Variants in AKT3 observed in about 807,000 individuals in gnomAD.
AKT3 encodes the protein RAC-gamma serine/threonine-protein kinase.
In AKT3, 15 loss-of-function variants were observed where a neutral mutation model predicts 65.3. The observed-to-expected ratio is 0.23, with a 90% CI of 0.15 to 0.35. The LOEUF (loss-of-function observed/expected upper bound fraction) is 0.35. Ranked by LOEUF, AKT3 falls within the 10% of genes least tolerant of loss-of-function variation. AKT3 has a pLI of 1.00. For synonymous variants in AKT3, 206 were observed against 183.8 expected (o/e 1.12, Z -0.98); for missense variants, 243 against 576.5 (o/e 0.42, Z 5.92).
chr1:243,812,527 GTGC>G (rs1386259255), intron 2 of AKT3, among the ~76,000 whole-genome samples: 6 of 152,282 alleles, frequency 3.9e-5, no homozygotes, highest in Non-Finnish European at 8.8e-5. Flanking sequence ...GAAACAACAG[GTGC>G]TGGAGAGGAA....
chr1:243,504,992 A>G lies in AKT3; in HGVS notation c.*257T>C, dbSNP rs931649369. The G allele has an allele frequency of 2.3e-6, 1 of 438,660 alleles. No individual in the cohort carries two copies. The highest frequency in any genetic ancestry group is 4.0e-6 in the Non-Finnish European group (1 of 248,424). 27.2% of individuals were successfully genotyped at this position (438,660 alleles called of 1,614,324 possible). A position where few individuals can be genotyped will look rare whatever the true frequency, so the allele number is the denominator to read the frequency against. ...TGGAAAATTACTTCTTAAAGTTGCT[A>G]TAATAGTAAGACAGTAGCAGCAACA... On this transcript the variant is annotated 3_prime_UTR_variant, in exon 14 of 14. Coordinates refer to ENST00000673466, the MANE Select transcript of AKT3 (RefSeq NM_005465.7).
At chr1:243,698,634 A>G (rs1276168002) in intron 2 of AKT3, among the ~76,000 whole-genome samples, 1 of 152,154 alleles carries the variant, frequency 6.6e-6, no homozygotes, top group Non-Finnish European at 1.5e-5. Flanking sequence ...GTAATACAGT[A>G]TACCAAGATA....
intron 8 of AKT3, among the ~76,000 whole-genome samples, chr1:243,586,954 T>C (rs1017755530): frequency 4.6e-5 from 7 of 151,742 alleles, no homozygotes; most frequent in South Asian, 2.1e-4. Flanking sequence ...GTAGCAAAGA[T>C]AGAAATAAAA....
chr1:243,701,241 G>T (rs974093900), intron 2 of AKT3, among the ~76,000 whole-genome samples: 7 of 152,170 alleles, frequency 4.6e-5, no homozygotes, highest in Non-Finnish European at 8.8e-5. Context: ...GATTTGTTCA[G>T]ACATGCAAAT....
intron 2 of AKT3, among the ~76,000 whole-genome samples, chr1:243,815,015 T>C (rs1290400844): frequency 6.6e-6 from 1 of 152,170 alleles, no homozygotes; most frequent in Non-Finnish European, 1.5e-5. Flanking sequence ...TCTAAGGTCT[T>C]AAAGGACATT....
chr1:243,598,880 C>T (rs909117833), intron 8 of AKT3, among the ~76,000 whole-genome samples: 8 of 152,064 alleles, frequency 5.3e-5, no homozygotes, highest in Admixed American at 2.0e-4. Flanking sequence ...TTCATCCTAG[C>T]GAACGCAGTA....
intron 8 of AKT3, among the ~76,000 whole-genome samples, chr1:243,590,302 G>A (rs192401969): frequency 6.6e-6 from 1 of 152,084 alleles, no homozygotes; most frequent in Admixed American, 6.5e-5. Context: ...ATTCAATTGT[G>A]GCAATCCTTT....
intron 2 of AKT3, among the ~76,000 whole-genome samples, chr1:243,733,665 A>G (rs1415069371): frequency 6.6e-6 from 1 of 152,246 alleles, no homozygotes; most frequent in African/African-American, 2.4e-5. Context: ...ATATGGCAAT[A>G]AAACAAGTTA....
intron 2 of AKT3, among the ~76,000 whole-genome samples, chr1:243,752,897 C>A (rs915236801): frequency 6.6e-6 from 1 of 152,142 alleles, no homozygotes; most frequent in African/African-American, 2.4e-5. Context: ...GTTTTCATCC[C>A]TTTTCCCAGG....
intron 6 of AKT3, 37 bp from the exon 7 acceptor site, chr1:243,615,198 T>C: frequency 7.0e-7 from 1 of 1,427,344 alleles, no homozygotes; most frequent in Non-Finnish European, 9.8e-7. Flanking sequence ...AATATATGTT[T>C]TGAGCACTGA....
At chr1:243,630,157 C>T (rs978548480) in intron 6 of AKT3, among the ~76,000 whole-genome samples, 2 of 152,212 alleles carry the variant, frequency 1.3e-5, no homozygotes, top group Non-Finnish European at 2.9e-5. Context: ...TGCACCCCCA[C>T]CAAGTTACAT....
intron 8 of AKT3, among the ~76,000 whole-genome samples, chr1:243,582,179 A>G (rs1675411109): frequency 6.6e-6 from 1 of 152,146 alleles, no homozygotes; most frequent in Admixed American, 6.5e-5. Context: ...ATTTGAGGAA[A>G]TAACTCAAGA....
In AKT3 at chr1:243,598,449, C is replaced by T. The variant is rs182665023; in HGVS notation, c.696+15222G>A. ...TATAGGAATACAGTAATGTAAAATG[C>T]ATTAACTCAAACTACTAAATATACA... is the stretch of plus-strand genomic sequence containing the variant. On this transcript the variant is annotated intron_variant, in intron 8 of 13. Coordinates refer to ENST00000673466, the MANE Select transcript of AKT3 (RefSeq NM_005465.7). 3.9e-5 allele frequency among the ~76,000 whole-genome samples: 6 copies of T among 152,172 alleles called. No homozygotes were observed. In the East Asian group the frequency reaches 1.2e-3, roughly 29 times the overall value.
At chr1:243,608,579 T>A (rs760643971) in intron 8 of AKT3, among the ~76,000 whole-genome samples, 1 of 152,094 alleles carries the variant, frequency 6.6e-6, no homozygotes, top group African/African-American at 2.4e-5. Flanking sequence ...GCTCAAGTCC[T>A]TAGATGCCAT....
intron 5 of AKT3, among the ~76,000 whole-genome samples, chr1:243,641,288 A>ACACG (rs1553422144): frequency 4.7e-5 from 7 of 149,680 alleles, no homozygotes; most frequent in African/African-American, 1.5e-4. Flanking sequence ...ACACACACAC[A>ACACG]CGCACACACA....
intron 6 of AKT3, among the ~76,000 whole-genome samples, chr1:243,617,562 T>C (rs143757502): frequency 5.3e-5 from 8 of 152,240 alleles, no homozygotes; most frequent in South Asian, 2.1e-4. Context: ...ACTTAAATAA[T>C]TACTCTTTCT....
chr1:243,510,943 C>T (rs548926961), intron 13 of AKT3, among the ~76,000 whole-genome samples: 14 of 152,398 alleles, frequency 9.2e-5, no homozygotes, highest in African/African-American at 3.1e-4. Context: ...AATTCTAATG[C>T]CACAGTCTAT....
At chr1:243,611,682 T>TC (rs1677881324) in intron 8 of AKT3, among the ~76,000 whole-genome samples, 2 of 98,576 alleles carry the variant, frequency 2.0e-5, no homozygotes, top group South Asian at 5.8e-4. Flanking sequence ...AGACCCCATC[T>TC]CAAAAAAAAA....
rs1312377576 is a variant in AKT3, at chr1:243,844,538, G to A, written c.-112-1256C>T. On this transcript the variant is annotated intron_variant, in intron 1 of 13. Coordinates refer to ENST00000673466, the MANE Select transcript of AKT3 (RefSeq NM_005465.7). ...CCATCATCCAGGCTAGAGTAGAGTGGCACAATCATAGCTCACTGCAGCCTC... is the reference window on the plus strand; with the variant it reads ...CCATCATCCAGGCTAGAGTAGAGTGACACAATCATAGCTCACTGCAGCCTC... Among the ~76,000 whole-genome samples, 3 of 152,026 alleles carry A rather than the reference G, an allele frequency of 2.0e-5. No individual in the cohort carries two copies. The East Asian group carries it at 5.8e-4, about 29-fold the overall frequency.
Sources: gnomAD v4.1 joint callset for allele counts (sites outside exome capture counted in the v4.1 genomes callset) on GRCh38, gnomAD v4.1.1 for gene constraint, MANE v1.5 for transcripts, NCBI Gene and HGNC (gene_info 2026-07-23, HGNC 2026-07-21) for gene names.